The following ZRANB2 variants were observed in gnomAD, a reference collection of about 807,000 sequenced individuals.
ZRANB2 encodes the protein zinc finger Ran-binding domain-containing protein 2.
ZRANB2 carries 19 observed loss-of-function variants against 53.4 expected under a neutral mutation model. The observed-to-expected ratio is 0.36, with a 90% confidence interval of 0.25 to 0.52. The LOEUF is 0.52. Among genes scored for constraint, ZRANB2 ranks in the 20% least tolerant of loss-of-function variants. ZRANB2 has a pLI of 0.93. For synonymous variants in ZRANB2, 145 were observed against 134.8 expected, an observed-to-expected ratio of 1.08 and a Z score of -0.52; for missense variants, 309 against 401.1, an observed-to-expected ratio of 0.77 and a Z score of 1.96.
At chr1:71,065,762 T>G in intron 9 of ZRANB2, 2 of 1,612,304 alleles carry the variant, frequency 1.2e-6, no homozygotes, top group Non-Finnish European at 1.7e-6. Flanking sequence ...GCTTATGGAA[T>G]AGAGAACATG....
intron 4 of ZRANB2, 81 bp downstream of exon 4, chr1:71,076,714 T>A: frequency 1.9e-6 from 2 of 1,054,800 alleles, no homozygotes; most frequent in South Asian, 2.7e-5. Flanking sequence ...CTGTGGCTCT[T>A]ACTCGAAGGT....
rs11556475 is a variant in ZRANB2 at position 71,072,508 on chromosome 1, A to G, written c.342T>C (p.Tyr114=). ...CACCATCAGATTCTTCTCTTTCTAT[A>G]TATTCAACATTTTCTCTTTCATTAA... ...GGFNERENVE[Y]IEREESDGEY... is the part of the protein sequence containing the mutation. Residue 114 remains tyrosine, a synonymous_variant, in exon 5 of 10, where the codon TAT becomes TAC. Transcript: ENST00000370920. 122,787 of 1,606,264 alleles carry G rather than the reference A, an allele frequency of 0.076. 5,429 individuals carry two copies. The highest frequency in any genetic ancestry group is 0.15 in the African/African-American group (11,318 of 74,704).
At chr1:71,076,285 A>T (rs1451407564) in intron 4 of ZRANB2, among the ~76,000 whole-genome samples, 1 of 152,226 alleles carries the variant, frequency 6.6e-6, no homozygotes, top group Non-Finnish European at 1.5e-5. Context: ...AACACCATCC[A>T]AAAAACCTGC....
intron 1 of ZRANB2, among the ~76,000 whole-genome samples, chr1:71,079,292 C>G (rs1253310015): frequency 2.0e-5 from 3 of 152,090 alleles, no homozygotes; most frequent in African/African-American, 7.2e-5. Context: ...AAAAATGACA[C>G]AACCACCAAA....
chr1:71,066,033 T>C (rs1292768979), intron 9 of ZRANB2: 3 of 238,096 alleles, frequency 1.3e-5, no homozygotes, highest in Non-Finnish European at 2.4e-5. Flanking sequence ...TAATAGACTT[T>C]ACATAATCTT....
chr1:71,078,396 C>T, intron 3 of ZRANB2, 61 bp downstream of exon 3: 2 of 1,425,244 alleles, frequency 1.4e-6, no homozygotes, highest in Non-Finnish European at 9.8e-7. Flanking sequence ...GTAATATAAA[C>T]AAGTAGTGGC....
intron 3 of ZRANB2, among the ~76,000 whole-genome samples, chr1:71,077,471 C>A (rs1393306536): frequency 6.6e-6 from 1 of 152,026 alleles, no homozygotes; most frequent in Non-Finnish European, 1.5e-5. Context: ...CACTGAATTC[C>A]AAAGCATACC....
chr1:71,078,371 T>C (rs1661757259), intron 3 of ZRANB2, 86 bp downstream of exon 3: 3 of 1,130,374 alleles, frequency 2.7e-6, no homozygotes, highest in Admixed American at 4.3e-5. Flanking sequence ...CTTGTCAATG[T>C]CACTAATAAG....
chr1:71,065,733 T>A, intron 9 of ZRANB2: 1 of 1,612,746 alleles, frequency 6.2e-7, no homozygotes, highest in Non-Finnish European at 8.5e-7. Flanking sequence ...GGTTGTTTAG[T>A]GTTTTCACCA....
In ZRANB2 at chr1:71,063,812, A is replaced by C. The variant is rs1268635050; in HGVS notation, c.*1262T>G. 6 of 152,470 alleles carry C rather than the reference A, an allele frequency of 3.9e-5. No individual in the cohort carries two copies. The highest frequency in any genetic ancestry group is 1.4e-4 in the African/African-American group (6 of 41,454). The allele number at this position is 152,470 out of a possible 1,614,324, so 9.4% of individuals were successfully genotyped here. A position where few individuals can be genotyped will look rare whatever the true frequency, so the allele number is the denominator to read the frequency against. ...TGGTTTGTCTATGAAATATCTTAAA[A>C]TGTCGTAATTTTTATTTAAATTGCA... On this transcript the variant is annotated 3_prime_UTR_variant, in exon 10 of 10. Transcript: ENST00000370920.
intron 8 of ZRANB2, among the ~76,000 whole-genome samples, chr1:71,068,746 A>C (rs1213366108): frequency 6.6e-6 from 1 of 152,034 alleles, no homozygotes; most frequent in African/African-American, 2.4e-5. Flanking sequence ...TTAATAATGA[A>C]GAAAATTTTT....
intron 8 of ZRANB2, chr1:71,067,508 T>A: frequency 3.2e-6 from 1 of 310,252 alleles, no homozygotes; most frequent in South Asian, 2.7e-5. Flanking sequence ...ACTATTTTTA[T>A]GAAAACCCAC....
Position 71,072,334 on chromosome 1 carries a change from A to G in ZRANB2, c.379-79T>C, listed in dbSNP as rs997467936. ...TACATTTTCTAAAAAATTATTTTAG[A>G]TATTTATGATTTCCTGAAAATGATC... is the stretch of plus-strand genomic sequence containing the variant. On this transcript the variant is annotated intron_variant, in intron 5 of 9. Transcript: ENST00000370920. 5 of 1,462,850 alleles carry G rather than the reference A, an allele frequency of 3.4e-6. No homozygotes were observed. In the African/African-American group the frequency reaches 5.8e-5, roughly 17 times the overall value. The allele number at this position is 1,462,850 out of a possible 1,614,324, so 90.6% of individuals were successfully genotyped here.
rs771877985 is a variant in ZRANB2, at chr1:71,072,222, C to T, written c.412G>A (p.Ala138Thr). ...GRKKKKYRGK[A>T]VGPASILKEV... is the part of the protein sequence containing the mutation. Reference sequence around the variant, plus strand: ...TTTAATATAGATGCAGGACCAACTGCTTTCCCTCTGTATTTTTTCTTTTTA... The same window carrying T: ...TTTAATATAGATGCAGGACCAACTGTTTTCCCTCTGTATTTTTTCTTTTTA... Residue 138 changes from alanine (A) to threonine (T), a missense_variant, in exon 6 of 10, where the codon GCA becomes ACA. Coordinates refer to ENST00000370920, the MANE Select transcript of ZRANB2 (RefSeq NM_203350.3). 4 of 1,610,734 alleles carry T rather than the reference C, an allele frequency of 2.5e-6. No homozygotes were observed. Among genetic ancestry groups the T allele is most frequent in the East Asian group, 4.5e-5 (2 of 44,726 alleles).
chr1:71,066,707 T>C, intron 9 of ZRANB2, 69 bp downstream of exon 9: 5 of 1,506,092 alleles, frequency 3.3e-6, no homozygotes, highest in Non-Finnish European at 4.5e-6. Flanking sequence ...AACCCTTGAC[T>C]AGGAAAGTTT....
In ZRANB2 at chr1:71,065,090, C is replaced by T. The variant is rs766860131; in HGVS notation, c.977G>A (p.Ser326Asn). ...SGSSHSGSRS[S>N]SKKK The stretch of plus-strand genomic sequence containing the variant: ...TTTAATACATTATTTCTTTTTTGAA[C>T]TTGAACGGGAACCAGAATGGGATGA... The change falls in exon 10 of 10, where the codon AGT becomes AAT. Residue 326 changes from serine (S) to asparagine (N), a missense_variant. Coordinates refer to ENST00000370920, the MANE Select transcript of ZRANB2 (RefSeq NM_203350.3). The T allele has an allele frequency of 1.2e-6, 2 of 1,610,760 alleles. No individual in the cohort carries two copies. The highest frequency in any genetic ancestry group is 2.2e-5 in the South Asian group (2 of 90,828).
rs372030233 is a variant in ZRANB2 at position 71,066,840 on chromosome 1, G to A, written c.865C>T (p.Arg289Cys). 8 of 1,612,128 alleles carry A rather than the reference G, an allele frequency of 5.0e-6. No homozygotes were observed. The highest frequency in any genetic ancestry group is 2.7e-5 in the African/African-American group (2 of 74,844). The change falls in exon 9 of 10, where the codon CGT (arginine) becomes TGT (cysteine). Residue 289 changes from arginine to cysteine, a missense_variant. Coordinates refer to ENST00000370920, the MANE Select transcript of ZRANB2 (RefSeq NM_203350.3). Reference sequence around the variant, plus strand: ...TCACCAGATGAAGAAGATCTAGAACGACTTCTCTTTCTGTTCCTCTCAGGA... The same window carrying A: ...TCACCAGATGAAGAAGATCTAGAACAACTTCTCTTTCTGTTCCTCTCAGGA... ...SSPERNRKRSRSRSSSSGDRK... is the reference protein window; with the variant it reads ...SSPERNRKRSCSRSSSSGDRK...
At chr1:71,073,178 C>A (rs2101047821) in intron 4 of ZRANB2, among the ~76,000 whole-genome samples, 1 of 152,150 alleles carries the variant, frequency 6.6e-6, no homozygotes, top group East Asian at 1.9e-4. Flanking sequence ...GATTAGCAAA[C>A]CACTATTCTC....
intron 9 of ZRANB2, chr1:71,066,101 A>G (rs1441637270): frequency 5.5e-6 from 1 of 180,498 alleles, no homozygotes; most frequent in Non-Finnish European, 1.2e-5. Context: ...TAAAGCCATT[A>G]AAATGACTAT....
Sources: allele counts gnomAD v4.1 joint callset (sites outside exome capture counted in the v4.1 genomes callset), GRCh38; gene constraint gnomAD v4.1.1; transcripts MANE v1.5; gene names NCBI Gene and HGNC (gene_info 2026-07-23, HGNC 2026-07-21).